Variants in MYT1L observed in about 807,000 individuals in gnomAD.
MYT1L encodes the protein myelin transcription factor 1 like.
MYT1L carries 12 observed loss-of-function variants against 126.7 expected under a neutral mutation model. The observed-to-expected ratio is 0.09, with a 90% confidence interval of 0.06 to 0.15. MYT1L has a LOEUF of 0.15. MYT1L is among the 10% of genes least tolerant of loss of function. MYT1L has a pLI of 1.00. For missense variants in MYT1L, 979 were observed against 1,585.2 expected, an observed-to-expected ratio of 0.62 and a Z score of 6.49; for synonymous variants, 541 against 604.2, an observed-to-expected ratio of 0.90 and a Z score of 1.53.
intron 3 of MYT1L, among the ~76,000 whole-genome samples, chr2:2,088,496 G>A (rs1200772839): frequency 1.3e-5 from 2 of 152,138 alleles, no homozygotes; most frequent in Non-Finnish European, 2.9e-5. Flanking sequence ...AGTGGATCCA[G>A]TCCTTCCCCT....
intron 9 of MYT1L, among the ~76,000 whole-genome samples, chr2:1,940,244 G>C (rs1277581278): frequency 6.6e-6 from 1 of 151,310 alleles, no homozygotes; most frequent in African/African-American, 2.4e-5. Flanking sequence ...GGGTGCACCT[G>C]TCTCACACTG....
At chr2:1,997,130 T>G (rs548005661) in intron 5 of MYT1L, 61 bp downstream of exon 5, 35 of 144,524 alleles carry the variant, frequency 2.4e-4, no homozygotes, top group African/African-American at 9.1e-4. Context: ...CTTTACCTAG[T>G]GAGGGCCACC....
chr2:1,978,618 T>A (rs150018825), intron 8 of MYT1L, among the ~76,000 whole-genome samples: 1 of 152,280 alleles, frequency 6.6e-6, no homozygotes, highest in African/African-American at 2.4e-5. Flanking sequence ...ATTAATGTAA[T>A]CACTGCAGTT....
chr2:1,854,835 C>T (rs941713681), intron 18 of MYT1L, among the ~76,000 whole-genome samples: 2 of 152,168 alleles, frequency 1.3e-5, no homozygotes, highest in East Asian at 3.9e-4. Context: ...CTTGAGACGC[C>T]TCTCCACCCG....
At chr2:2,110,779 A>C (rs2079337631) in intron 3 of MYT1L, among the ~76,000 whole-genome samples, 1 of 152,104 alleles carries the variant, frequency 6.6e-6, no homozygotes, top group Non-Finnish European at 1.5e-5. Flanking sequence ...GCAGGCATGG[A>C]GATGGAGGTC....
At chr2:2,183,177 C>G (rs2091722765) in intron 2 of MYT1L, among the ~76,000 whole-genome samples, 1 of 152,102 alleles carries the variant, frequency 6.6e-6, no homozygotes, top group African/African-American at 2.4e-5. Flanking sequence ...TGAATTGTAT[C>G]CCTCAGGACC....
At position 1,979,354 on chromosome 2, in the gene MYT1L, G is replaced by T; in HGVS notation, c.90-127C>A. On this transcript the variant is annotated intron_variant, in intron 7 of 24. Transcript: ENST00000647738. The surrounding 1 kb of genome is among the most constrained non-coding windows in gnomAD (Gnocchi z 4.0). ...AGAAATCACACAATCCAAAGGAGGG[G>T]GAAATTCGGGGAGGCTTTTTACGAG... The T allele has an allele frequency of 1.8e-6, 2 of 1,084,996 alleles. No individual in the cohort carries two copies. The highest frequency in any genetic ancestry group is 1.3e-5 in the South Asian group (1 of 74,526). The allele number at this position is 1,084,996 out of a possible 1,614,324, so 67.2% of individuals were successfully genotyped here. A position where few individuals can be genotyped will look rare whatever the true frequency, so the allele number is the denominator to read the frequency against.
chr2:2,152,249 C>T lies in MYT1L; in HGVS notation c.-304+20623G>A, dbSNP rs564102998. Among the ~76,000 whole-genome samples the T allele has an allele frequency of 5.9e-5, 9 of 152,342 alleles. No individual in the cohort carries two copies. The South Asian group carries it at 6.2e-4, about 11-fold the overall frequency. ...ACGAACTGCTGGGTAGCCCACAGGG[C>T]GTGCACACGCTGGGCAAGGGAACAA... On this transcript the variant is annotated intron_variant, in intron 3 of 24. Coordinates refer to ENST00000647738, the MANE Select transcript of MYT1L (RefSeq NM_001303052.2).
At chr2:2,028,249 G>A (rs116530326) in intron 4 of MYT1L, among the ~76,000 whole-genome samples, 6 of 152,358 alleles carry the variant, frequency 3.9e-5, no homozygotes, top group East Asian at 1.9e-4. Flanking sequence ...GCACATGCTC[G>A]TAGCCCAAAC....
At chr2:1,849,008 C>G (rs942909862) in intron 19 of MYT1L, among the ~76,000 whole-genome samples, 2 of 152,132 alleles carry the variant, frequency 1.3e-5, no homozygotes, top group African/African-American at 4.8e-5. Context: ...ATCATTTACT[C>G]CAGGCATAGA....
rs145420852 is a variant in MYT1L at position 2,106,140 on chromosome 2, C to G, written c.-303-52017G>C. Among the ~76,000 whole-genome samples the G allele has an allele frequency of 8.0e-4, 122 of 152,244 alleles. 1 individual carries two copies. Among genetic ancestry groups the G allele is most frequent in the Non-Finnish European group, 1.6e-3 (106 of 68,030 alleles). ...GGAATGTGGCTCACCCGGGATCGGA[C>G]GACCAGAAGCCCCGAGCAAAGACAG... On this transcript the variant is annotated intron_variant, in intron 3 of 24. Coordinates refer to ENST00000647738, the MANE Select transcript of MYT1L (RefSeq NM_001303052.2).
chr2:2,165,091 A>AG (rs34473678), intron 3 of MYT1L, among the ~76,000 whole-genome samples: 1 of 152,178 alleles, frequency 6.6e-6, no homozygotes, highest in Admixed American at 6.5e-5. Flanking sequence ...CCAGCTCTCC[A>AG]GGGGCACCAG....
chr2:2,272,414 G>T (rs2095282072), intron 2 of MYT1L, among the ~76,000 whole-genome samples: 1 of 152,208 alleles, frequency 6.6e-6, no homozygotes, highest in Non-Finnish European at 1.5e-5. Context: ...TGCCCAAGGG[G>T]TGGGTGTCTT....
chr2:2,288,374 A>G (rs2095552985), intron 1 of MYT1L, among the ~76,000 whole-genome samples: 1 of 152,246 alleles, frequency 6.6e-6, no homozygotes, highest in African/African-American at 2.4e-5. Flanking sequence ...AAATTAGATC[A>G]TCATATGCCT....
chr2:2,188,568 G>A (rs1251124753), intron 2 of MYT1L, among the ~76,000 whole-genome samples: 1 of 152,194 alleles, frequency 6.6e-6, no homozygotes, highest in East Asian at 1.9e-4. Flanking sequence ...GTGTGCCTGG[G>A]CTAGGTCTAT....
chr2:2,240,027 G>A (rs2094406370), intron 2 of MYT1L, among the ~76,000 whole-genome samples: 1 of 152,146 alleles, frequency 6.6e-6, no homozygotes, highest in African/African-American at 2.4e-5. Context: ...GCCAGGCACA[G>A]CGACTCATGC....
chr2:2,003,216 CT>C (rs1196649321), intron 4 of MYT1L, among the ~76,000 whole-genome samples: 2 of 152,124 alleles, frequency 1.3e-5, no homozygotes, highest in Non-Finnish European at 2.9e-5. Flanking sequence ...ATCTGTGCTT[CT>C]GGTGTGTGTC....
intron 18 of MYT1L, among the ~76,000 whole-genome samples, chr2:1,865,548 T>G (rs1227898095): frequency 1.3e-5 from 2 of 152,142 alleles, no homozygotes; most frequent in African/African-American, 4.8e-5. Context: ...ACTAAAGAAC[T>G]AAATAAAGTG....
At chr2:1,975,260 T>C (rs112719573) in intron 8 of MYT1L, among the ~76,000 whole-genome samples, 1 of 94,970 alleles carries the variant, frequency 1.1e-5, no homozygotes, top group African/African-American at 4.5e-5. Flanking sequence ...CAGATCCCAC[T>C]GCCAGATCCC....
Sources: allele counts gnomAD v4.1 joint callset (sites outside exome capture counted in the v4.1 genomes callset), GRCh38; gene constraint gnomAD v4.1.1; non-coding constraint Gnocchi (gnomAD v3.1); transcripts MANE v1.5; gene names NCBI Gene and HGNC (gene_info 2026-07-23, HGNC 2026-07-21).